The following ULK4 variants were observed in gnomAD, a reference collection of about 807,000 sequenced individuals.
The protein encoded by ULK4 is unc-51 like kinase 4.
In ULK4, 133 loss-of-function variants were observed where a neutral mutation model predicts 160.6. The ratio of observed to expected loss-of-function variants is 0.83; its 90% CI spans 0.72 to 0.96. The LOEUF (loss-of-function observed/expected upper bound fraction) is 0.96, where lower values mean the gene tolerates loss of function less well. ULK4 is among the 40% of genes least tolerant of loss of function. The pLI is 0.00. For missense variants in ULK4, 1,580 were observed against 1,499.5 expected, an observed-to-expected ratio of 1.05 and a Z score of -0.89; for synonymous variants, 534 against 539.8, an observed-to-expected ratio of 0.99 and a Z score of 0.15.
At chr3:41,507,264 T>C (rs1260266583) in intron 32 of ULK4, among the ~76,000 whole-genome samples, 1 of 150,670 alleles carries the variant, frequency 6.6e-6, no homozygotes, top group African/African-American at 2.4e-5. Flanking sequence ...AATGCCAAGT[T>C]AAATACATTT....
At chr3:41,859,591 G>A in intron 17 of ULK4, 1 of 525,768 alleles carries the variant, frequency 1.9e-6, no homozygotes, top group Non-Finnish European at 3.8e-6. Context: ...GCCATAATAT[G>A]CATGGTCACT....
intron 32 of ULK4, among the ~76,000 whole-genome samples, chr3:41,539,352 T>C (rs2086621183): frequency 6.6e-6 from 1 of 152,152 alleles, no homozygotes; most frequent in Non-Finnish European, 1.5e-5. Context: ...CAGGCTACAT[T>C]TACTGAATCT....
intron 32 of ULK4, among the ~76,000 whole-genome samples, chr3:41,484,458 C>CTTT (rs369059587): frequency 5.2e-5 from 7 of 134,938 alleles, no homozygotes; most frequent in Non-Finnish European, 4.8e-5. Flanking sequence ...CTTTCTTTTC[C>CTTT]TTTTTTTGTT....
At chr3:41,592,092 G>C (rs1004749691) in intron 31 of ULK4, among the ~76,000 whole-genome samples, 1 of 152,176 alleles carries the variant, frequency 6.6e-6, no homozygotes, top group East Asian at 1.9e-4. Flanking sequence ...GAAGCGGACT[G>C]CTCCTGCAGG....
At chr3:41,790,928 C>G (rs1340993832) in intron 20 of ULK4, among the ~76,000 whole-genome samples, 1 of 152,062 alleles carries the variant, frequency 6.6e-6, no homozygotes, top group Non-Finnish European at 1.5e-5. Flanking sequence ...TATAAAAATA[C>G]TCATTATAAT....
intron 31 of ULK4, among the ~76,000 whole-genome samples, chr3:41,587,898 A>G (rs1256607370): frequency 1.3e-5 from 2 of 151,076 alleles, no homozygotes; most frequent in African/African-American, 4.9e-5. Flanking sequence ...AGTTGAAGAC[A>G]ATTGAAAAGT....
chr3:41,298,539 G>C (rs1209301772), intron 35 of ULK4, among the ~76,000 whole-genome samples: 1 of 152,116 alleles, frequency 6.6e-6, no homozygotes, highest in Admixed American at 6.6e-5. Context: ...AAGAAAATAA[G>C]ATTCTGACCT....
chr3:41,636,728 G>A (rs2033966313), intron 30 of ULK4, among the ~76,000 whole-genome samples: 1 of 151,854 alleles, frequency 6.6e-6, no homozygotes, highest in African/African-American at 2.4e-5. Context: ...TTAGCATTAG[G>A]TATATCTCCT....
At chr3:41,453,429 G>A (rs767564775) in intron 34 of ULK4, among the ~76,000 whole-genome samples, 15 of 151,788 alleles carry the variant, frequency 9.9e-5, no homozygotes, top group Non-Finnish European at 2.1e-4. Context: ...CTCCCATCTC[G>A]ACCACCCAAA....
intron 30 of ULK4, among the ~76,000 whole-genome samples, chr3:41,616,262 A>C (rs559894257): frequency 2.2e-3 from 336 of 152,338 alleles, no homozygotes; most frequent in African/African-American, 7.7e-3. Context: ...GAATTTTTTC[A>C]TAAAAGAGAA....
At chr3:41,498,074 T>G in intron 32 of ULK4, among the ~76,000 whole-genome samples, 1 of 151,794 alleles carries the variant, frequency 6.6e-6, no homozygotes, top group East Asian at 1.9e-4. Context: ...TTTTATAGAC[T>G]CCTATAGCCA....
intron 32 of ULK4, among the ~76,000 whole-genome samples, chr3:41,467,752 T>C (rs1486332078): frequency 1.3e-5 from 2 of 152,168 alleles, no homozygotes; most frequent in East Asian, 3.9e-4. Context: ...TTATTTAAGG[T>C]TCTAAAGAAA....
chr3:41,403,476 T>A lies in ULK4; in HGVS notation c.3493-5212A>T, dbSNP rs572095860. ...ATCCCTTATATTGATAATTTCTGTC[T>A]TCTCTCTTCTTTGTCAGTTGGATAG... On this transcript the variant is annotated intron_variant, in intron 34 of 36. Transcript: ENST00000301831. 2.0e-5 allele frequency among the ~76,000 whole-genome samples: 3 copies of A among 152,342 alleles called. No homozygotes were observed. In the South Asian group the frequency reaches 6.2e-4, roughly 32 times the overall value.
intron 22 of ULK4, among the ~76,000 whole-genome samples, chr3:41,747,290 C>T (rs527620068): frequency 6.6e-6 from 1 of 151,844 alleles, no homozygotes; most frequent in Admixed American, 6.6e-5. Context: ...AAAGAACTCT[C>T]GAAATTCCAT....
At chr3:41,719,660 A>T (rs1367037043) in intron 22 of ULK4, among the ~76,000 whole-genome samples, 6 of 152,158 alleles carry the variant, frequency 3.9e-5, no homozygotes, top group Admixed American at 3.9e-4. Context: ...ACCAATAGCA[A>T]GCTACCATAT....
chr3:41,535,171 G>A (rs895850988), intron 32 of ULK4, among the ~76,000 whole-genome samples: 3 of 152,158 alleles, frequency 2.0e-5, no homozygotes, highest in Admixed American at 1.3e-4. Context: ...AGTCTCCTGA[G>A]GTCTCTGGGT....
intron 35 of ULK4, among the ~76,000 whole-genome samples, chr3:41,268,811 CACAAAA>C (rs1371552068): frequency 0.028 from 1,247 of 44,846 alleles, 6 homozygotes; most frequent in Non-Finnish European, 0.039. Flanking sequence ...CTCACACACA[CACAAAA>C]AAAAAAAAAA....
At chr3:41,797,330 G>A (rs868531772) in intron 20 of ULK4, among the ~76,000 whole-genome samples, 88 of 152,040 alleles carry the variant, frequency 5.8e-4, no homozygotes, top group Middle Eastern at 3.2e-3. Context: ...GCCAACCTCC[G>A]ATGTAAAAAG....
chr3:41,486,736 G>A (rs2084551782), intron 32 of ULK4, among the ~76,000 whole-genome samples: 1 of 152,156 alleles, frequency 6.6e-6, no homozygotes, highest in South Asian at 2.1e-4. Context: ...TTTCTGCAGA[G>A]GTTGTGGTTT....
Sources: allele counts gnomAD v4.1 joint callset (sites outside exome capture counted in the v4.1 genomes callset), GRCh38; gene constraint gnomAD v4.1.1; transcripts MANE v1.5; gene names NCBI Gene and HGNC (gene_info 2026-07-23, HGNC 2026-07-21).